Variants in ST3GAL4 observed in about 807,000 individuals in gnomAD.
The protein encoded by ST3GAL4 is ST3 beta-galactoside alpha-2,3-sialyltransferase 4.
Under a neutral mutation model 42.6 loss-of-function variants are expected in ST3GAL4, and 24 were observed. The ratio of observed to expected loss-of-function variants is 0.56; its 90% CI spans 0.41 to 0.79. The LOEUF (loss-of-function observed/expected upper bound fraction) is 0.79. Among genes scored for constraint, ST3GAL4 ranks in the 30% least tolerant of loss-of-function variants. The pLI, the probability that ST3GAL4 is intolerant of heterozygous loss-of-function variation, is 0.00. For missense variants in ST3GAL4, 311 were observed against 430.8 expected (o/e 0.72, Z 2.46); for synonymous variants, 135 against 163.2 (o/e 0.83, Z 1.32).
At chr11:126,390,040 G>T (rs1953422706) in intron 1 of ST3GAL4, among the ~76,000 whole-genome samples, 1 of 92,526 alleles carries the variant, frequency 1.1e-5, no homozygotes, top group East Asian at 3.4e-4. Flanking sequence ...AAAATTAGCT[G>T]GGCGCGGTGG....
chr11:126,363,444 T>C lies in ST3GAL4; in HGVS notation c.-61+7602T>C, dbSNP rs1952315905. Among the ~76,000 whole-genome samples the C allele has an allele frequency of 6.6e-6, 1 of 152,162 alleles. No homozygotes were observed. On this transcript the variant is annotated intron_variant, in intron 1 of 10. Coordinates refer to ENST00000444328, the MANE Select transcript of ST3GAL4 (RefSeq NM_001254757.2). This position sits in a 1 kb window ranked among gnomAD's most constrained non-coding sequence, Gnocchi z 4.6. ...GGTTGGGTTGCCTGGAGGCCGGGAATGTTCAGGAGAGCCTTCATTGGGAGC... is the reference window on the plus strand; with the variant it reads ...GGTTGGGTTGCCTGGAGGCCGGGAACGTTCAGGAGAGCCTTCATTGGGAGC...
At position 126,413,566 on chromosome 11, in the gene ST3GAL4, T is replaced by C. The variant is rs1434252097; in HGVS notation, c.833T>C (p.Ile278Thr). The change falls in exon 10 of 11, where the codon ATT becomes ACT. Residue 278 changes from isoleucine to threonine, a missense_variant. Coordinates refer to ENST00000444328, the MANE Select transcript of ST3GAL4 (RefSeq NM_001254757.2). ...LALHLCDLVH[I>T]AGFGYPDAYN... The stretch of plus-strand genomic sequence containing the variant: ...CTCCACCTCTGTGACTTGGTGCACA[T>C]TGCCGGCTTTGGCTACCCAGACGCC... The C allele has an allele frequency of 1.9e-6, 3 of 1,614,252 alleles. No individual in the cohort carries two copies. Among genetic ancestry groups the C allele is most frequent in the African/African-American group, 1.3e-5 (1 of 75,078 alleles).
chr11:126,361,682 G>A (rs1329476904), intron 1 of ST3GAL4, among the ~76,000 whole-genome samples: 1 of 152,082 alleles, frequency 6.6e-6, no homozygotes, highest in African/African-American at 2.4e-5. Flanking sequence ...GGTGACCCCA[G>A]CATGGACCTC....
At position 126,366,812 on chromosome 11, in the gene ST3GAL4, G is replaced by C. The variant is rs1016032285; in HGVS notation, c.-61+10970G>C. 6.6e-6 allele frequency among the ~76,000 whole-genome samples: 1 copy of C among 152,192 alleles called. No individual in the cohort carries two copies. Among genetic ancestry groups the C allele is most frequent in the Non-Finnish European group, 1.5e-5 (1 of 68,034 alleles). ...GGTCTGCCGAGTGAGGGTTCCTTCCGGGAGGAGGCAGGGTGAGCGCAGAAA... is the reference window on the plus strand; with the variant it reads ...GGTCTGCCGAGTGAGGGTTCCTTCCCGGAGGAGGCAGGGTGAGCGCAGAAA... On this transcript the variant is annotated intron_variant, in intron 1 of 10. Transcript: ENST00000444328. The surrounding 1 kb of genome is among the most constrained non-coding windows in gnomAD (Gnocchi z 4.2).
rs1952430071 is a variant in ST3GAL4 at position 126,366,454 on chromosome 11, GTGTT to G, written c.-61+10616_-61+10619del. On this transcript the variant is annotated intron_variant, in intron 1 of 10. Coordinates refer to ENST00000444328, the MANE Select transcript of ST3GAL4 (RefSeq NM_001254757.2). The surrounding 1 kb of genome is among the most constrained non-coding windows in gnomAD (Gnocchi z 4.2). ...CCCGGGTGTCTGAGTAGGGACCAAT[GTGTT>G]TGTGCTGGAGAAGCCTGTGTAGGTT... Among the ~76,000 whole-genome samples, 1 of 152,128 alleles carries G rather than the reference GTGTT, an allele frequency of 6.6e-6. No homozygotes were observed. The highest frequency in any genetic ancestry group is 2.4e-5 in the African/African-American group (1 of 41,424).
chr11:126,412,714 C>G (rs994838793), intron 9 of ST3GAL4, among the ~76,000 whole-genome samples: 1 of 152,210 alleles, frequency 6.6e-6, no homozygotes, highest in Non-Finnish European at 1.5e-5. Context: ...AAGGGTCGCA[C>G]AGTTAGTGCA....
chr11:126,375,971 A>G (rs866761213), intron 1 of ST3GAL4, among the ~76,000 whole-genome samples: 4 of 151,374 alleles, frequency 2.6e-5, no homozygotes, highest in South Asian at 2.1e-4. Flanking sequence ...TTCGCCATGC[A>G]ATACATCGTT....
rs1451058254 is a variant in ST3GAL4 at position 126,383,281 on chromosome 11, C to T, written c.-60-22815C>T. 2.0e-5 allele frequency among the ~76,000 whole-genome samples: 3 copies of T among 152,154 alleles called. No individual in the cohort carries two copies. Among genetic ancestry groups the T allele is most frequent in the Non-Finnish European group, 2.9e-5 (2 of 68,010 alleles). On this transcript the variant is annotated intron_variant, in intron 1 of 10. Transcript: ENST00000444328. This position sits in a 1 kb window ranked among gnomAD's most constrained non-coding sequence, Gnocchi z 4.5. Reference sequence around the variant, plus strand: ...TCCCCTTTCCGTGACTTTGGAGGAACGAGGTTCCTGAGGGCTGGCACAGCC... The same window carrying T: ...TCCCCTTTCCGTGACTTTGGAGGAATGAGGTTCCTGAGGGCTGGCACAGCC...
At position 126,396,717 on chromosome 11, in the gene ST3GAL4, C is replaced by T. The variant is rs1261884841; in HGVS notation, c.-60-9379C>T. ...AGTCTGCACGGGATGGTTTTAGAAG[C>T]CGTAGGATGTGGAGGTTCTGGCTGA... On this transcript the variant is annotated intron_variant, in intron 1 of 10. Transcript: ENST00000444328. The surrounding 1 kb of genome is among the most constrained non-coding windows in gnomAD (Gnocchi z 5.8). 6.7e-6 allele frequency among the ~76,000 whole-genome samples: 1 copy of T among 150,210 alleles called. No individual in the cohort carries two copies. The highest frequency in any genetic ancestry group is 1.5e-5 in the Non-Finnish European group (1 of 67,600).
intron 1 of ST3GAL4, among the ~76,000 whole-genome samples, chr11:126,405,376 C>T (rs1379670020): frequency 1.3e-5 from 2 of 152,238 alleles, no homozygotes; most frequent in Non-Finnish European, 2.9e-5. Context: ...TTACTGGAAG[C>T]ATCTCTTGAC....
chr11:126,357,338 G>T (rs928773320), intron 1 of ST3GAL4, among the ~76,000 whole-genome samples: 1 of 152,228 alleles, frequency 6.6e-6, no homozygotes, highest in East Asian at 1.9e-4. Flanking sequence ...CTCCAAGATG[G>T]TAACCGAGGT....
At position 126,410,622 on chromosome 11, in the gene ST3GAL4, G is replaced by T. The variant is rs1247288051; in HGVS notation, c.771+1211G>T. 1.3e-5 allele frequency among the ~76,000 whole-genome samples: 2 copies of T among 152,200 alleles called. No individual in the cohort carries two copies. The highest frequency in any genetic ancestry group is 2.9e-5 in the Non-Finnish European group (2 of 68,042). On this transcript the variant is annotated intron_variant, in intron 9 of 10. Coordinates refer to ENST00000444328, the MANE Select transcript of ST3GAL4 (RefSeq NM_001254757.2). This position sits in a 1 kb window ranked among gnomAD's most constrained non-coding sequence, Gnocchi z 5.3. ...AATATTTGCCAGATTTTGAATAAAT[G>T]ATTTTATTGTTTACTGAACATTTCC...
At chr11:126,367,730 C>T (rs1346540874) in intron 1 of ST3GAL4, among the ~76,000 whole-genome samples, 1 of 152,144 alleles carries the variant, frequency 6.6e-6, no homozygotes, top group Non-Finnish European at 1.5e-5. Flanking sequence ...AATCCTGGTT[C>T]CACCATTTTT....
chr11:126,408,297 C>A lies in ST3GAL4; in HGVS notation c.438-10C>A. On this transcript the variant is annotated splice_polypyrimidine_tract_variant and intron_variant, in intron 7 of 10. Transcript: ENST00000444328. The stretch of plus-strand genomic sequence containing the variant: ...CCTCTAGTGATGGGAATCCTCCTCC[C>A]AACCCCCAGATTGAACAATGCCCCA... 1.2e-6 allele frequency: 2 copies of A among 1,613,394 alleles called. No individual in the cohort carries two copies. The highest frequency in any genetic ancestry group is 2.2e-5 in the South Asian group (2 of 91,052).
chr11:126,375,259 A>G (rs1952792143), intron 1 of ST3GAL4: 1 of 152,348 alleles, frequency 6.6e-6, no homozygotes, highest in Admixed American at 6.5e-5. Context: ...GAGCTTCCAG[A>G]GAGCACCAGG....
rs1296264717 is a variant in ST3GAL4, at chr11:126,384,473, G to C, written c.-60-21623G>C. ...TTGGATAGAGTGTGTCATCTGCAGA[G>C]GCAGCACTGTTCTGGAAGTGGACTC... On this transcript the variant is annotated intron_variant, in intron 1 of 10. Transcript: ENST00000444328. The surrounding 1 kb of genome is among the most constrained non-coding windows in gnomAD (Gnocchi z 5.5). Among the ~76,000 whole-genome samples the C allele has an allele frequency of 6.6e-6, 1 of 152,076 alleles. No homozygotes were observed. Among genetic ancestry groups the C allele is most frequent in the Non-Finnish European group, 1.5e-5 (1 of 68,010 alleles).
At chr11:126,390,618 CTTTTTTTTT>C (rs58153137) in intron 1 of ST3GAL4, among the ~76,000 whole-genome samples, 1 of 126,686 alleles carries the variant, frequency 7.9e-6, no homozygotes, top group Non-Finnish European at 1.6e-5. Flanking sequence ...GTGTTCTTTG[CTTTTTTTTT>C]TTTTTTTTTT....
In ST3GAL4 at chr11:126,406,412, G is replaced by T; in HGVS notation, c.17-61G>T. ...GACTCAGAAGGGGGCAGGTGGGAAG[G>T]TGGACGGGGGTTGTACCTGCCTGTT... is the stretch of plus-strand genomic sequence containing the variant. On this transcript the variant is annotated intron_variant, in intron 2 of 10. Transcript: ENST00000444328. This position sits in a 1 kb window ranked among gnomAD's most constrained non-coding sequence, Gnocchi z 5.4. 6.2e-7 allele frequency: 1 copy of T among 1,612,640 alleles called. No homozygotes were observed. Among genetic ancestry groups the T allele is most frequent in the East Asian group, 2.2e-5 (1 of 44,866 alleles).
chr11:126,374,229 A>G (rs1177294929), intron 1 of ST3GAL4, among the ~76,000 whole-genome samples: 2 of 151,972 alleles, frequency 1.3e-5, no homozygotes, highest in African/African-American at 2.4e-5. Flanking sequence ...AGTTTGGCAG[A>G]TCACTTGAGG....
Sources: allele counts gnomAD v4.1 joint callset (sites outside exome capture counted in the v4.1 genomes callset), GRCh38; gene constraint gnomAD v4.1.1; non-coding constraint Gnocchi (gnomAD v3.1); transcripts MANE v1.5; gene names NCBI Gene and HGNC (gene_info 2026-07-23, HGNC 2026-07-21).